LTBP1: variants seen among roughly 807,000 people sequenced by gnomAD.
LTBP1 encodes latent transforming growth factor beta binding protein 1, also known as latent-transforming growth factor beta-binding protein 1.
LTBP1 carries 129 observed loss-of-function variants against 207.6 expected under a neutral mutation model. The observed-to-expected ratio is 0.62, with a 90% confidence interval of 0.54 to 0.72. LTBP1 has a LOEUF of 0.72. Ranked by LOEUF, LTBP1 falls within the 30% of genes least tolerant of loss-of-function variation. The pLI is 0.00. For synonymous variants in LTBP1, 963 were observed against 833.7 expected (o/e 1.16, Z -2.67); for missense variants, 2,281 against 2,217.2 (o/e 1.03, Z -0.58).
At chr2:33,160,539 A>G (rs779048850) in intron 5 of LTBP1, among the ~76,000 whole-genome samples, 16 of 152,070 alleles carry the variant, frequency 1.1e-4, no homozygotes, top group Non-Finnish European at 2.4e-4. Flanking sequence ...TCTTCTTTCT[A>G]TTTTGTTCTT....
At chr2:33,365,766 A>G (rs1315653034) in intron 31 of LTBP1, among the ~76,000 whole-genome samples, 4 of 152,156 alleles carry the variant, frequency 2.6e-5, no homozygotes, top group Admixed American at 6.5e-5. Context: ...CCAAAAAAAC[A>G]TAACTTAGCA....
intron 4 of LTBP1, among the ~76,000 whole-genome samples, chr2:33,118,427 C>T (rs533915525): frequency 1.3e-5 from 2 of 152,282 alleles, no homozygotes; most frequent in South Asian, 2.1e-4. Context: ...GCAAAATCAG[C>T]GAGTTCCTTA....
chr2:33,208,175 G>A (rs1413374236), intron 7 of LTBP1, among the ~76,000 whole-genome samples: 2 of 152,206 alleles, frequency 1.3e-5, no homozygotes, highest in African/African-American at 4.8e-5. Context: ...AGAGTAATGT[G>A]CTTCTGAATG....
chr2:33,348,813 G>A (rs576905724), intron 26 of LTBP1, among the ~76,000 whole-genome samples: 29 of 152,310 alleles, frequency 1.9e-4, no homozygotes, highest in African/African-American at 6.5e-4. Flanking sequence ...GGAAGGGAGA[G>A]TGAGAATACA....
intron 12 of LTBP1, 85 bp from the exon 13 acceptor site, chr2:33,259,503 A>G (rs150458595): frequency 6.5e-6 from 6 of 917,568 alleles, no homozygotes; most frequent in Middle Eastern, 2.3e-4. Flanking sequence ...GAGATAATGG[A>G]CTTCTATTGT....
chr2:33,061,155 G>T (rs2077252724), intron 3 of LTBP1, among the ~76,000 whole-genome samples: 1 of 151,902 alleles, frequency 6.6e-6, no homozygotes, highest in African/African-American at 2.4e-5. Context: ...AAATATGGTG[G>T]GTTTTAAAAA....
intron 20 of LTBP1, among the ~76,000 whole-genome samples, chr2:33,294,689 C>T (rs2093840656): frequency 6.6e-6 from 1 of 151,288 alleles, no homozygotes; most frequent in Admixed American, 6.6e-5. Flanking sequence ...AGCGATTCTC[C>T]TGCCTCAGCC....
chr2:33,172,600 C>T (rs4624362), intron 5 of LTBP1, among the ~76,000 whole-genome samples: 74,425 of 151,804 alleles, frequency 0.49, 18,470 homozygotes, highest in Non-Finnish European at 0.52. Flanking sequence ...ATCAGCGAGA[C>T]AGAAAGTTAA....
At chr2:33,116,938 C>T (rs2080781732) in intron 4 of LTBP1, among the ~76,000 whole-genome samples, 1 of 152,162 alleles carries the variant, frequency 6.6e-6, no homozygotes, top group African/African-American at 2.4e-5. Context: ...AAATGTAATT[C>T]CCACCTGCAG....
intron 32 of LTBP1, among the ~76,000 whole-genome samples, chr2:33,391,800 T>C (rs561924459): frequency 2.8e-5 from 2 of 70,692 alleles, no homozygotes; most frequent in East Asian, 1.5e-3. Flanking sequence ...GCTTTAAAGC[T>C]CTTTTTTTTA....
At chr2:32,970,258 C>G (rs990904174) in intron 2 of LTBP1, among the ~76,000 whole-genome samples, 3 of 152,124 alleles carry the variant, frequency 2.0e-5, no homozygotes, top group Admixed American at 1.3e-4. Flanking sequence ...TGCAGAAGCT[C>G]TTTAGTTTAA....
In LTBP1 at chr2:33,275,134, T is replaced by A. The variant is rs778174715; in HGVS notation, c.2869+44T>A. On this transcript the variant is annotated intron_variant, in intron 17 of 33. Transcript: ENST00000404816. ...CTGCTTACAAATTCTTAGATCTGAGTTTTTAGATCCCCTAAGACTATCATC... is the reference window on the plus strand; with the variant it reads ...CTGCTTACAAATTCTTAGATCTGAGATTTTAGATCCCCTAAGACTATCATC... 9.3e-6 allele frequency: 15 copies of A among 1,606,502 alleles called. No individual in the cohort carries two copies. The Admixed American group carries it at 2.5e-4, about 27-fold the overall frequency.
At chr2:33,365,626 C>T (rs1398352042) in intron 31 of LTBP1, 123 bp downstream of exon 31, 16 of 711,132 alleles carry the variant, frequency 2.2e-5, no homozygotes, top group East Asian at 8.6e-5. Context: ...ACTTTCATCC[C>T]GTGTGTGTGT....
At chr2:33,276,819 C>G (rs1251529705) in intron 18 of LTBP1, among the ~76,000 whole-genome samples, 3 of 152,220 alleles carry the variant, frequency 2.0e-5, no homozygotes, top group Non-Finnish European at 4.4e-5. Context: ...CCACTGCATT[C>G]CAGCCCAGGT....
chr2:33,320,081 A>G (rs1231283503), intron 24 of LTBP1, among the ~76,000 whole-genome samples: 1 of 152,184 alleles, frequency 6.6e-6, no homozygotes, highest in African/African-American at 2.4e-5. Context: ...AGAAAGTGTG[A>G]TAAAGGCTGG....
At chr2:33,195,769 A>G (rs1434672227) in intron 7 of LTBP1, among the ~76,000 whole-genome samples, 3 of 152,226 alleles carry the variant, frequency 2.0e-5, no homozygotes, top group African/African-American at 4.8e-5. Context: ...GTCAAATGCT[A>G]TCAAACAGTA....
chr2:33,381,373 A>T (rs1045263224), intron 31 of LTBP1, among the ~76,000 whole-genome samples: 1 of 152,158 alleles, frequency 6.6e-6, no homozygotes, highest in Admixed American at 6.5e-5. Flanking sequence ...CTGTTGGGAA[A>T]CTCTGGGAGT....
chr2:33,295,479 A>T (rs1047350624), intron 20 of LTBP1, among the ~76,000 whole-genome samples: 1 of 152,102 alleles, frequency 6.6e-6, no homozygotes, highest in Admixed American at 6.5e-5. Flanking sequence ...GTGAACTGAG[A>T]TCGTGCCACT....
At chr2:33,188,427 CAAA>C (rs577171233) in intron 6 of LTBP1, 147 bp from the exon 7 acceptor site, 953 of 347,534 alleles carry the variant, frequency 2.7e-3, no homozygotes, top group East Asian at 4.3e-3. Flanking sequence ...AACTCCATCT[CAAA>C]AAAAAAAAAA....
Sources: gnomAD v4.1 joint callset for allele counts (sites outside exome capture counted in the v4.1 genomes callset) on GRCh38, gnomAD v4.1.1 for gene constraint, MANE v1.5 for transcripts, NCBI Gene and HGNC (gene_info 2026-07-23, HGNC 2026-07-21) for gene names.